The following ADAMTS16 variants were observed in gnomAD, a reference collection of about 807,000 sequenced individuals.
ADAMTS16 encodes the protein ADAM metallopeptidase with thrombospondin type 1 motif 16.
Under a neutral mutation model 145.8 loss-of-function variants are expected in ADAMTS16, and 94 were observed. The observed-to-expected ratio is 0.64, with a 90% confidence interval of 0.55 to 0.77. ADAMTS16 has a LOEUF of 0.77. Among genes scored for constraint, ADAMTS16 ranks in the 30% least tolerant of loss-of-function variants. ADAMTS16 has a pLI of 0.00. For missense variants in ADAMTS16, 1,585 were observed against 1,591.5 expected (o/e 1.00, Z 0.07); for synonymous variants, 659 against 604.3 (o/e 1.09, Z -1.33).
At position 5,165,059 on chromosome 5, in the gene ADAMTS16, G is replaced by A. The variant is rs372712100; in HGVS notation, c.502-16985G>A. Reference sequence around the variant, plus strand: ...GTTGTGCAACCTTCTTCACAGTTCAGTCTTAGATTATTTCCAGCACCCAGA... The same window carrying A: ...GTTGTGCAACCTTCTTCACAGTTCAATCTTAGATTATTTCCAGCACCCAGA... On this transcript the variant is annotated intron_variant, in intron 3 of 22. Transcript: ENST00000274181. Among the ~76,000 whole-genome samples the A allele has an allele frequency of 2.5e-4, 38 of 152,170 alleles. 1 individual carries two copies. In the East Asian group the frequency reaches 4.2e-3, roughly 17 times the overall value.
chr5:5,267,561 C>G (rs1173187240), intron 18 of ADAMTS16, among the ~76,000 whole-genome samples: 1 of 152,164 alleles, frequency 6.6e-6, no homozygotes, highest in Non-Finnish European at 1.5e-5. Context: ...GGCCTGCCGG[C>G]ATCTGCTGGT....
chr5:5,282,160 C>A (rs948255833), intron 18 of ADAMTS16, among the ~76,000 whole-genome samples: 1 of 152,082 alleles, frequency 6.6e-6, no homozygotes, highest in African/African-American at 2.4e-5. Context: ...TGATCATGGC[C>A]GTTCATTGTA....
intron 3 of ADAMTS16, among the ~76,000 whole-genome samples, chr5:5,159,762 G>C (rs903876976): frequency 1.3e-5 from 2 of 152,206 alleles, no homozygotes; most frequent in African/African-American, 4.8e-5. Context: ...TAAAATGTGA[G>C]AGTGTTCTGC....
At chr5:5,242,267 T>C in intron 17 of ADAMTS16, 76 bp downstream of exon 17, 2 of 1,559,666 alleles carry the variant, frequency 1.3e-6, no homozygotes, top group Non-Finnish European at 1.7e-6. Flanking sequence ...CTGGCCTTTC[T>C]TGAATCCTAA....
intron 13 of ADAMTS16, among the ~76,000 whole-genome samples, 172 bp downstream of exon 13, chr5:5,235,358 G>C (rs1311040244): frequency 6.6e-6 from 1 of 152,150 alleles, no homozygotes; most frequent in Non-Finnish European, 1.5e-5. Context: ...CCACCATCAC[G>C]ACCTCTTATC....
At chr5:5,215,041 G>A (rs945571648) in intron 10 of ADAMTS16, among the ~76,000 whole-genome samples, 1 of 152,178 alleles carries the variant, frequency 6.6e-6, no homozygotes, top group Non-Finnish European at 1.5e-5. Flanking sequence ...TGCTAATCTA[G>A]ATGATGGATG....
intron 18 of ADAMTS16, among the ~76,000 whole-genome samples, chr5:5,289,964 C>A (rs1199931829): frequency 6.6e-6 from 1 of 152,224 alleles, no homozygotes; most frequent in Non-Finnish European, 1.5e-5. Context: ...AATGGCATGG[C>A]AGCCAAGAAT....
At chr5:5,254,018 C>T (rs537383303) in intron 17 of ADAMTS16, among the ~76,000 whole-genome samples, 24 of 152,204 alleles carry the variant, frequency 1.6e-4, no homozygotes, top group Non-Finnish European at 2.9e-4. Flanking sequence ...TCTCGTCAGT[C>T]CTACACCTAC....
At chr5:5,215,471 A>C (rs535581814) in intron 10 of ADAMTS16, among the ~76,000 whole-genome samples, 3 of 152,014 alleles carry the variant, frequency 2.0e-5, no homozygotes, top group Non-Finnish European at 2.9e-5. Flanking sequence ...CCATATTTGT[A>C]GCCTTTTATC....
intron 18 of ADAMTS16, among the ~76,000 whole-genome samples, chr5:5,280,860 G>A (rs934653971): frequency 6.6e-6 from 1 of 152,200 alleles, no homozygotes; most frequent in African/African-American, 2.4e-5. Context: ...ATCCCACGTT[G>A]CTCAGAACTG....
chr5:5,186,328 G>A (rs191266031), intron 5 of ADAMTS16, 77 bp downstream of exon 5: 30 of 1,337,192 alleles, frequency 2.2e-5, no homozygotes, highest in African/African-American at 5.8e-5. Flanking sequence ...GTGTGTGTGT[G>A]TGTGTGTTTC....
chr5:5,186,997 A>G (rs1293109826), intron 5 of ADAMTS16, among the ~76,000 whole-genome samples: 1 of 152,168 alleles, frequency 6.6e-6, no homozygotes, highest in Non-Finnish European at 1.5e-5. Context: ...TTTTTGGTAG[A>G]CTGAACCACT....
In ADAMTS16 at chr5:5,310,950, C is replaced by A. The variant is rs138263237; in HGVS notation, c.3411+4222C>A. Among the ~76,000 whole-genome samples the A allele has an allele frequency of 6.6e-6, 1 of 152,226 alleles. No homozygotes were observed. Among genetic ancestry groups the A allele is most frequent in the Non-Finnish European group, 1.5e-5 (1 of 68,020 alleles). On this transcript the variant is annotated intron_variant, in intron 21 of 22. Transcript: ENST00000274181. This position sits in a 1 kb window ranked among gnomAD's most constrained non-coding sequence, Gnocchi z 4.3. Reference sequence around the variant, plus strand: ...ACTTTATATGCTGCAGAGCCCTAGCCCAGAGCCACGAGGACCAGAGATATG... The same window carrying A: ...ACTTTATATGCTGCAGAGCCCTAGCACAGAGCCACGAGGACCAGAGATATG...
At chr5:5,183,296 G>C (rs10040074) in intron 4 of ADAMTS16, among the ~76,000 whole-genome samples, 30,806 of 152,146 alleles carry the variant, frequency 0.2, 4,311 homozygotes, top group East Asian at 0.41. Context: ...GGCTGAGAGA[G>C]TTGGGAATCC....
chr5:5,151,605 ACACG>A (rs1734459757), intron 3 of ADAMTS16, among the ~76,000 whole-genome samples: 1 of 150,276 alleles, frequency 6.7e-6, no homozygotes, highest in Non-Finnish European at 1.5e-5. Flanking sequence ...ATACACACAC[ACACG>A]CACACACACA....
intron 10 of ADAMTS16, among the ~76,000 whole-genome samples, chr5:5,222,163 C>T (rs568630795): frequency 2.1e-4 from 32 of 152,238 alleles, no homozygotes; most frequent in African/African-American, 6.0e-4. Flanking sequence ...TTTCTGTATG[C>T]GCCAAATGGT....
chr5:5,318,997 A>G (rs748231955), intron 22 of ADAMTS16, 26 bp from the exon 23 acceptor site: 2 of 1,542,632 alleles, frequency 1.3e-6, no homozygotes, highest in Non-Finnish European at 1.8e-6. Flanking sequence ...GGGATCGCTG[A>G]GTAATGCAGC....
At chr5:5,218,296 C>T (rs143388044) in intron 10 of ADAMTS16, among the ~76,000 whole-genome samples, 27 of 152,212 alleles carry the variant, frequency 1.8e-4, no homozygotes, top group African/African-American at 6.3e-4. Context: ...TGTAATACAT[C>T]GATACTGAAA....
At chr5:5,187,559 T>C (rs1473605216) in intron 5 of ADAMTS16, among the ~76,000 whole-genome samples, 166 bp from the exon 6 acceptor site, 1 of 152,204 alleles carries the variant, frequency 6.6e-6, no homozygotes, top group Non-Finnish European at 1.5e-5. Context: ...AGCTGAAGCT[T>C]CGGCTTTTTA....
Sources: allele counts gnomAD v4.1 joint callset (sites outside exome capture counted in the v4.1 genomes callset), GRCh38; gene constraint gnomAD v4.1.1; non-coding constraint Gnocchi (gnomAD v3.1); transcripts MANE v1.5; gene names NCBI Gene and HGNC (gene_info 2026-07-23, HGNC 2026-07-21).